Variants in MAP6 observed in about 807,000 individuals in gnomAD.
MAP6 encodes microtubule-associated protein 6.
In MAP6, 26 loss-of-function variants were observed where a neutral mutation model predicts 42.4. The ratio of observed to expected loss-of-function variants is 0.61; its 90% CI spans 0.45 to 0.85. MAP6 has a LOEUF of 0.85. Among genes scored for constraint, MAP6 ranks in the 40% least tolerant of loss-of-function variants. MAP6 has a pLI of 0.00. For synonymous variants in MAP6, 418 were observed against 443.8 expected (o/e 0.94, Z 0.73); for missense variants, 966 against 1,099.0 (o/e 0.88, Z 1.71).
In MAP6 at chr11:75,603,947, A is replaced by G. The variant is rs375337029; in HGVS notation, c.1316+1861T>C. The G allele has an allele frequency of 8.1e-6, 8 of 985,746 alleles. No individual in the cohort carries two copies. The East Asian group carries it at 5.7e-4, about 70-fold the overall frequency. 61.1% of individuals were successfully genotyped at this position (985,746 alleles called of 1,614,324 possible). A position where few individuals can be genotyped will look rare whatever the true frequency, so the allele number is the denominator to read the frequency against. On this transcript the variant is annotated intron_variant, in intron 3 of 3. Transcript: ENST00000304771. ...TACATTGGCAAATCCTCTGGATACAATTAAGATCATGTTGCTAGAGCTTTC... is the reference window on the plus strand; with the variant it reads ...TACATTGGCAAATCCTCTGGATACAGTTAAGATCATGTTGCTAGAGCTTTC...
At chr11:75,589,303 C>T (rs1300888629) in intron 3 of MAP6, among the ~76,000 whole-genome samples, 1 of 152,220 alleles carries the variant, frequency 6.6e-6, no homozygotes, top group Middle Eastern at 3.2e-3. Flanking sequence ...AACACTAACA[C>T]TCAAAGGCAA....
At chr11:75,624,429 T>C (rs1037974687) in intron 1 of MAP6, among the ~76,000 whole-genome samples, 1 of 152,126 alleles carries the variant, frequency 6.6e-6, no homozygotes, top group African/African-American at 2.4e-5. Context: ...TCTCTCACCA[T>C]CAGCACAGCC....
intron 1 of MAP6, among the ~76,000 whole-genome samples, chr11:75,653,010 T>C (rs1335029756): frequency 6.6e-6 from 1 of 152,106 alleles, no homozygotes; most frequent in Admixed American, 6.5e-5. Flanking sequence ...CCACCCATAT[T>C]ACATCCATGA....
intron 3 of MAP6, chr11:75,597,360 T>C (rs971936987): frequency 1.3e-5 from 2 of 152,230 alleles, no homozygotes; most frequent in Non-Finnish European, 2.9e-5. Flanking sequence ...TACCTATTTA[T>C]TTTTGCCAAT....
intron 1 of MAP6, among the ~76,000 whole-genome samples, chr11:75,620,109 C>A (rs1337783916): frequency 6.6e-6 from 1 of 152,274 alleles, no homozygotes. Context: ...TTGATGGCTT[C>A]ACTGGTGAAT....
intron 1 of MAP6, among the ~76,000 whole-genome samples, chr11:75,611,546 C>T (rs73488418): frequency 0.012 from 1,890 of 152,288 alleles, 49 homozygotes; most frequent in African/African-American, 0.044. Context: ...GTAATTATGA[C>T]AGATGGTTAG....
intron 1 of MAP6, among the ~76,000 whole-genome samples, chr11:75,655,930 A>C (rs1662177875): frequency 6.6e-6 from 1 of 152,238 alleles, no homozygotes; most frequent in Non-Finnish European, 1.5e-5. Flanking sequence ...TTAAAGATAG[A>C]GATGTTTACC....
chr11:75,599,220 C>T, intron 3 of MAP6, among the ~76,000 whole-genome samples: 1 of 152,158 alleles, frequency 6.6e-6, no homozygotes, highest in Admixed American at 6.5e-5. Flanking sequence ...CTGGGGCCAT[C>T]TGTCGAGATC....
Position 75,667,881 on chromosome 11 carries a change from C to A in MAP6, c.489G>T (p.Trp163Cys). 6.9e-7 allele frequency: 1 copy of A among 1,445,970 alleles called. No homozygotes were observed. Among genetic ancestry groups the A allele is most frequent in the Non-Finnish European group, 9.1e-7 (1 of 1,096,580 alleles). The allele number at this position is 1,445,970 out of a possible 1,614,324, so 89.6% of individuals were successfully genotyped here. Residue 163 changes from tryptophan (W) to cysteine (C), a missense_variant, in exon 1 of 4, where the codon TGG becomes TGT. Physicochemically the swap from Trp to Cys is radical, Grantham distance 215. Transcript: ENST00000304771. This position sits in a 1 kb window ranked among gnomAD's most constrained non-coding sequence, Gnocchi z 5.6. ...GGTGGTCCCCGCGGCGCGGCAGCGG[C>A]CAGGCGCGGAAGTCCTTCTGGTACT... ...ETQYQKDFRA[W>C]PLPRRGDHPW...
chr11:75,609,454 A>T (rs1196836586), intron 1 of MAP6, among the ~76,000 whole-genome samples: 1 of 152,170 alleles, frequency 6.6e-6, no homozygotes, highest in African/African-American at 2.4e-5. Context: ...GAGGAGTGCC[A>T]GGAACAAGGA....
intron 1 of MAP6, among the ~76,000 whole-genome samples, chr11:75,661,203 T>C (rs1367231796): frequency 6.6e-6 from 1 of 151,994 alleles, no homozygotes; most frequent in African/African-American, 2.4e-5. Context: ...AGACATCAAA[T>C]TGACAGTTTA....
At position 75,587,902 on chromosome 11, in the gene MAP6, G is replaced by A; in HGVS notation, c.1599C>T (p.Val533=). 1 of 1,614,162 alleles carries A rather than the reference G, an allele frequency of 6.2e-7. No homozygotes were observed. Among genetic ancestry groups the A allele is most frequent in the Non-Finnish European group, 8.5e-7 (1 of 1,180,030 alleles). Residue 533 remains valine (V), a synonymous_variant, in exon 4 of 4, where the codon GTC becomes GTT. Coordinates refer to ENST00000304771, the MANE Select transcript of MAP6 (RefSeq NM_033063.2). ...GACTTTGATTCTTTGGAGGAACTGG[G>A]ACCGAGGGACCTTGGTCCTTGACTG... The part of the protein sequence containing the change: ...SAPVKDQGPS[V]PVPPKNQSPM...
chr11:75,605,511 C>A, intron 3 of MAP6: 1 of 1,181,122 alleles, frequency 8.5e-7, no homozygotes, highest in South Asian at 2.2e-5. Flanking sequence ...GCCTCTCAGA[C>A]CTGCCTGCCT....
intron 1 of MAP6, among the ~76,000 whole-genome samples, chr11:75,616,540 G>A (rs758143498): frequency 9.0e-4 from 137 of 152,338 alleles, no homozygotes; most frequent in Non-Finnish European, 1.3e-3. Context: ...GTCACTGAAT[G>A]CTGTCGGTTG....
intron 1 of MAP6, among the ~76,000 whole-genome samples, chr11:75,633,328 G>A (rs949711294): frequency 6.6e-6 from 1 of 152,162 alleles, no homozygotes; most frequent in African/African-American, 2.4e-5. Flanking sequence ...TCACTCCTCT[G>A]ACGGATACTC....
At chr11:75,654,771 C>T (rs1044999245) in intron 1 of MAP6, among the ~76,000 whole-genome samples, 15 of 152,196 alleles carry the variant, frequency 9.9e-5, no homozygotes, top group African/African-American at 3.6e-4. Flanking sequence ...CATCATGACT[C>T]TGTGAAGTCA....
chr11:75,623,397 A>G (rs565226686), intron 1 of MAP6, among the ~76,000 whole-genome samples: 2 of 151,348 alleles, frequency 1.3e-5, no homozygotes, highest in African/African-American at 4.9e-5. Flanking sequence ...TCATGAAAAT[A>G]TACACTTAAA....
intron 1 of MAP6, among the ~76,000 whole-genome samples, chr11:75,621,595 T>C (rs61895125): frequency 0.027 from 4,164 of 152,324 alleles, 84 homozygotes; most frequent in Non-Finnish European, 0.042. Context: ...CTGTCATTAT[T>C]TGCATATAAC....
intron 1 of MAP6, among the ~76,000 whole-genome samples, chr11:75,666,427 G>A (rs1244256922): frequency 6.6e-6 from 1 of 152,220 alleles, no homozygotes; most frequent in East Asian, 1.9e-4. Flanking sequence ...GCATTCATTT[G>A]CAAGGAATTG....
Sources: gnomAD v4.1 joint callset for allele counts (sites outside exome capture counted in the v4.1 genomes callset) on GRCh38, gnomAD v4.1.1 for gene constraint, Gnocchi (gnomAD v3.1) non-coding constraint, MANE v1.5 for transcripts, NCBI Gene and HGNC (gene_info 2026-07-23, HGNC 2026-07-21) for gene names.